The following ACVR2B variants were observed in gnomAD, a reference collection of about 807,000 sequenced individuals.
ACVR2B encodes the protein activin A receptor type 2B, also known as activin receptor type-2B.
In ACVR2B, 18 loss-of-function variants were observed where a neutral mutation model predicts 65.1. The ratio of observed to expected loss-of-function variants is 0.28; its 90% CI spans 0.19 to 0.41. The LOEUF (loss-of-function observed/expected upper bound fraction) is 0.41, where lower values mean the gene tolerates loss of function less well. Ranked by LOEUF, ACVR2B falls within the 10% of genes least tolerant of loss-of-function variation. ACVR2B has a pLI of 1.00. For synonymous variants in ACVR2B, 298 were observed against 277.7 expected (o/e 1.07, Z -0.73); for missense variants, 482 against 682.7 (o/e 0.71, Z 3.28).
Position 38,477,324 on chromosome 3 carries a change from C to A in ACVR2B, c.90C>A (p.Ile30=), listed in dbSNP as rs770874478. 3.4e-5 allele frequency: 55 copies of A among 1,613,998 alleles called. No individual in the cohort carries two copies. Among genetic ancestry groups the A allele is most frequent in the Admixed American group, 2.3e-4 (14 of 59,998 alleles). Residue 30 remains isoleucine, a synonymous_variant, in exon 2 of 11, where the codon ATC becomes ATA. Transcript: ENST00000352511. This position sits in a 1 kb window ranked among gnomAD's most constrained non-coding sequence, Gnocchi z 6.7. ...GRGEAETREC[I]YYNANWELER... ...GGGAGGCTGAGACACGGGAGTGCAT[C>A]TACTACAACGCCAACTGGGAGCTGG...
intron 1 of ACVR2B, among the ~76,000 whole-genome samples, chr3:38,458,620 G>A (rs1390692511): frequency 6.6e-6 from 1 of 152,174 alleles, no homozygotes; most frequent in Non-Finnish European, 1.5e-5. Context: ...GCCAGCCTAT[G>A]CATTCAGCCC....
intron 6 of ACVR2B, 114 bp from the exon 7 acceptor site, chr3:38,479,564 C>G (rs1272533341): frequency 6.1e-6 from 8 of 1,312,884 alleles, no homozygotes; most frequent in South Asian, 6.0e-5. Context: ...ATTGTAGTAG[C>G]CTTCCAGGAG....
chr3:38,483,029 G>C lies in ACVR2B; in HGVS notation c.1345-109G>C. The stretch of plus-strand genomic sequence containing the variant: ...GGACCTGCTGCTGTGGTTGGGGCTG[G>C]TGGGCTCTGCCTGATCCTTGGGAAT... On this transcript the variant is annotated intron_variant, in intron 10 of 10. Transcript: ENST00000352511. This position sits in a 1 kb window ranked among gnomAD's most constrained non-coding sequence, Gnocchi z 4.8. 1 of 1,303,928 alleles carries C rather than the reference G, an allele frequency of 7.7e-7. No homozygotes were observed. Among genetic ancestry groups the C allele is most frequent in the Non-Finnish European group, 1.1e-6 (1 of 902,560 alleles). 80.8% of individuals were successfully genotyped at this position (1,303,928 alleles called of 1,614,324 possible). A position where few individuals can be genotyped will look rare whatever the true frequency, so the allele number is the denominator to read the frequency against.
In ACVR2B at chr3:38,492,639, G is replaced by A. The variant is rs1190265449; in HGVS notation, c.*9307G>A. 1 of 48,716 alleles carries A rather than the reference G, an allele frequency of 2.1e-5. No individual in the cohort carries two copies. Among genetic ancestry groups the A allele is most frequent in the African/African-American group, 5.3e-5 (1 of 18,804 alleles). The allele number at this position is 48,716 out of a possible 1,614,324, so 3.0% of individuals were successfully genotyped here. ...AACAAAAGTTATACTAAAGTATCAT[G>A]TTTAAAAAAAATATATATATATATA... On this transcript the variant is annotated 3_prime_UTR_variant, in exon 11 of 11. Transcript: ENST00000352511.
At chr3:38,478,587 C>T in intron 5 of ACVR2B, 69 bp downstream of exon 5, 1 of 1,607,210 alleles carries the variant, frequency 6.2e-7, no homozygotes, top group Non-Finnish European at 8.5e-7. Context: ...GCTCTCCTGA[C>T]CTGGGGCAAT....
chr3:38,482,683 T>G, intron 10 of ACVR2B, 123 bp downstream of exon 10: 1 of 1,392,388 alleles, frequency 7.2e-7, no homozygotes, highest in Non-Finnish European at 9.8e-7. Context: ...TTCCCTGGAC[T>G]CTAGGGATGT....
chr3:38,472,035 G>T (rs1559650402), intron 1 of ACVR2B, among the ~76,000 whole-genome samples: 1 of 152,120 alleles, frequency 6.6e-6, no homozygotes, highest in East Asian at 1.9e-4. Flanking sequence ...AATATTTTGG[G>T]TTTTTTTCTC....
intron 1 of ACVR2B, chr3:38,475,045 T>C (rs960966380): frequency 7.2e-5 from 11 of 152,268 alleles, no homozygotes; most frequent in Admixed American, 2.0e-4. Flanking sequence ...CTAGAACTGC[T>C]GCCGTGGATG....
At chr3:38,472,782 C>T (rs1709840895) in intron 1 of ACVR2B, among the ~76,000 whole-genome samples, 1 of 152,148 alleles carries the variant, frequency 6.6e-6, no homozygotes, top group African/African-American at 2.4e-5. Flanking sequence ...ACCATCTCCT[C>T]TTCTTTCTCT....
intron 1 of ACVR2B, among the ~76,000 whole-genome samples, chr3:38,455,073 G>A (rs1298057719): frequency 6.6e-6 from 1 of 152,186 alleles, no homozygotes; most frequent in Non-Finnish European, 1.5e-5. Context: ...GAGGCACGTG[G>A]CGGGGTGGGT....
In ACVR2B at chr3:38,479,118, C is replaced by T; in HGVS notation, c.667-10C>T. On this transcript the variant is annotated splice_polypyrimidine_tract_variant and intron_variant, in intron 5 of 10. Transcript: ENST00000352511. Reference sequence around the variant, plus strand: ...CACTTGTCCCCCCAACCCCTCGCCCCCGGCCTCAGGACAAGCAGTCGTGGC... The same window carrying T: ...CACTTGTCCCCCCAACCCCTCGCCCTCGGCCTCAGGACAAGCAGTCGTGGC... 1 of 1,614,100 alleles carries T rather than the reference C, an allele frequency of 6.2e-7. No homozygotes were observed. The highest frequency in any genetic ancestry group is 8.5e-7 in the Non-Finnish European group (1 of 1,179,996).
chr3:38,487,104 T>C lies in ACVR2B; in HGVS notation c.*3772T>C, dbSNP rs1710135841. ...AGATGGTGAGCATTATTAGCCTTTG[T>C]TGTCCAGCATGGCCTTCTTGTCCTG... On this transcript the variant is annotated 3_prime_UTR_variant, in exon 11 of 11. Coordinates refer to ENST00000352511, the MANE Select transcript of ACVR2B (RefSeq NM_001106.4). 1 of 152,528 alleles carries C rather than the reference T, an allele frequency of 6.6e-6. No individual in the cohort carries two copies. Among genetic ancestry groups the C allele is most frequent in the South Asian group, 2.1e-4 (1 of 4,830 alleles). 9.4% of individuals were successfully genotyped at this position (152,528 alleles called of 1,614,324 possible). A position where few individuals can be genotyped will look rare whatever the true frequency, so the allele number is the denominator to read the frequency against.
rs1474192467 is a variant in ACVR2B at position 38,485,571 on chromosome 3, T to C, written c.*2239T>C. The C allele has an allele frequency of 1.3e-5, 2 of 152,048 alleles. No individual in the cohort carries two copies. Among genetic ancestry groups the C allele is most frequent in the African/African-American group, 2.4e-5 (1 of 41,318 alleles). 9.4% of individuals were successfully genotyped at this position (152,048 alleles called of 1,614,324 possible). A position where few individuals can be genotyped will look rare whatever the true frequency, so the allele number is the denominator to read the frequency against. ...GGCACAGGGTGCTATGGGAGGCCCA[T>C]TTGCTTCCCTCTCGGAGCTCAGTTT... On this transcript the variant is annotated 3_prime_UTR_variant, in exon 11 of 11. Transcript: ENST00000352511.
At position 38,481,474 on chromosome 3, in the gene ACVR2B, C is replaced by G. The variant is rs1710017043; in HGVS notation, c.1074+9C>G. On this transcript the variant is annotated intron_variant, in intron 8 of 10. Transcript: ENST00000352511. The surrounding 1 kb of genome is among the most constrained non-coding windows in gnomAD (Gnocchi z 4.7). The stretch of plus-strand genomic sequence containing the variant: ...GGGACACCCACGGACAGGTAACAGG[C>G]CTCACAGGGCAGGAAGAGAGGGACA... 1.2e-6 allele frequency: 2 copies of G among 1,609,286 alleles called. No homozygotes were observed. The highest frequency in any genetic ancestry group is 4.5e-5 in the East Asian group (2 of 44,868).
In ACVR2B at chr3:38,486,914, T is replaced by G. The variant is rs1475759013; in HGVS notation, c.*3582T>G. On this transcript the variant is annotated 3_prime_UTR_variant, in exon 11 of 11. Coordinates refer to ENST00000352511, the MANE Select transcript of ACVR2B (RefSeq NM_001106.4). ...CAGAGGGCCCTCAATGATGGGGCAT[T>G]GGGGAAGGCTGTAGACATAGTCATC... is the stretch of plus-strand genomic sequence containing the variant. The G allele has an allele frequency of 6.6e-6, 1 of 152,310 alleles. No homozygotes were observed. The highest frequency in any genetic ancestry group is 1.5e-5 in the Non-Finnish European group (1 of 68,154). The allele number at this position is 152,310 out of a possible 1,614,324, so 9.4% of individuals were successfully genotyped here. A position where few individuals can be genotyped will look rare whatever the true frequency, so the allele number is the denominator to read the frequency against.
At position 38,478,602 on chromosome 3, in the gene ACVR2B, A is replaced by G. The variant is rs149771281; in HGVS notation, c.666+84A>G. 2,817 of 1,582,432 alleles carry G rather than the reference A, an allele frequency of 1.8e-3. 48 individuals carry two copies. The Admixed American group carries it at 0.037, about 21-fold the overall frequency. On this transcript the variant is annotated intron_variant, in intron 5 of 10. Coordinates refer to ENST00000352511, the MANE Select transcript of ACVR2B (RefSeq NM_001106.4). ...GCTCTCCTGACCTGGGGCAATCCAA[A>G]CCCCAAATAATATTGTGGTATGAGA... is the stretch of plus-strand genomic sequence containing the variant.
rs1397520991 is a variant in ACVR2B at position 38,454,204 on chromosome 3, C to G, written c.-119C>G. ...GAAGGCGCAGGAAGCGCGCAGGGAA[C>G]GAGACCGAAGGAAGGAGCGGGAAGG... is the stretch of plus-strand genomic sequence containing the variant. On this transcript the variant is annotated 5_prime_UTR_variant, in exon 1 of 11. Transcript: ENST00000352511. 2.7e-6 allele frequency: 2 copies of G among 749,112 alleles called. No individual in the cohort carries two copies. Among genetic ancestry groups the G allele is most frequent in the Non-Finnish European group, 3.5e-6 (2 of 577,106 alleles). 46.4% of individuals were successfully genotyped at this position (749,112 alleles called of 1,614,324 possible).
chr3:38,479,282 C>T lies in ACVR2B; in HGVS notation c.810+11C>T. ...GCCTTCCATGACAAGGTGAGCCACA[C>T]CCATCAGAATGGACTCTGAGAGGAG... On this transcript the variant is annotated intron_variant, in intron 6 of 10. Coordinates refer to ENST00000352511, the MANE Select transcript of ACVR2B (RefSeq NM_001106.4). 6.2e-7 allele frequency: 1 copy of T among 1,614,124 alleles called. No homozygotes were observed. The highest frequency in any genetic ancestry group is 1.3e-5 in the African/African-American group (1 of 75,020).
At chr3:38,464,711 GAT>G (rs1709701657) in intron 1 of ACVR2B, among the ~76,000 whole-genome samples, 1 of 152,148 alleles carries the variant, frequency 6.6e-6, no homozygotes, top group Admixed American at 6.5e-5. Context: ...AGATCCCAAA[GAT>G]ATAGAAGTTA....
Sources: gnomAD v4.1 joint callset for allele counts (sites outside exome capture counted in the v4.1 genomes callset) on GRCh38, gnomAD v4.1.1 for gene constraint, Gnocchi (gnomAD v3.1) non-coding constraint, MANE v1.5 for transcripts, NCBI Gene and HGNC (gene_info 2026-07-23, HGNC 2026-07-21) for gene names.